The following ABR variants were observed in gnomAD, a reference collection of about 807,000 sequenced individuals.
The protein encoded by ABR is ABR activator of RhoGEF and GTPase.
A neutral mutation model predicts 107.2 loss-of-function variants in ABR; 35 were observed. The ratio of observed to expected loss-of-function variants is 0.33; its 90% CI spans 0.25 to 0.43. The LOEUF (loss-of-function observed/expected upper bound fraction) is 0.43, where lower values mean the gene tolerates loss of function less well. Among genes scored for constraint, ABR ranks in the 20% least tolerant of loss-of-function variants. The probability of loss-of-function intolerance (pLI) is 1.00; values close to 1 mark genes in which losing one functional copy is unlikely to be tolerated. For missense variants in ABR, 815 were observed against 1,115.2 expected (o/e 0.73, Z 3.83); for synonymous variants, 498 against 462.0 (o/e 1.08, Z -1.00).
intron 2 of ABR, among the ~76,000 whole-genome samples, chr17:1,123,006 A>T (rs2039417336): frequency 6.6e-6 from 1 of 152,222 alleles, no homozygotes; most frequent in Non-Finnish European, 1.5e-5. Context: ...TTGGCCAAAT[A>T]AGCACAGCCA....
chr17:1,184,734 C>T (rs1039856198), upstream of ABR, among the ~76,000 whole-genome samples: 1 of 151,216 alleles, frequency 6.6e-6, no homozygotes, highest in African/African-American at 2.4e-5. Flanking sequence ...ATTCTCACAG[C>T]TCACTGCAGC....
chr17:1,014,523 T>C (rs1189447121), intron 16 of ABR, among the ~76,000 whole-genome samples: 1 of 151,614 alleles, frequency 6.6e-6, no homozygotes, highest in African/African-American at 2.4e-5. Context: ...GGGCTTATTA[T>C]ATAAAACTCT....
At chr17:1,188,537 G>A (rs1052590014), upstream of ABR, among the ~76,000 whole-genome samples, 2 of 128,974 alleles carry the variant, frequency 1.6e-5, no homozygotes, top group East Asian at 2.0e-4. Flanking sequence ...GTGACAGAGG[G>A]AGACTCCGTC....
chr17:1,031,088 G>A (rs2072695239), intron 16 of ABR, among the ~76,000 whole-genome samples: 1 of 152,218 alleles, frequency 6.6e-6, no homozygotes, highest in Non-Finnish European at 1.5e-5. Flanking sequence ...TGGGCCCACA[G>A]TCAGATGGGT....
intron 1 of ABR, among the ~76,000 whole-genome samples, chr17:1,173,532 A>G (rs908731211): frequency 6.6e-6 from 1 of 151,226 alleles, no homozygotes. Context: ...CCAATCATAA[A>G]CCCTGGCAAA....
At chr17:1,125,768 G>A (rs2039571804) in intron 1 of ABR, 1 of 248,728 alleles carries the variant, frequency 4.0e-6, no homozygotes, top group African/African-American at 2.3e-5. Flanking sequence ...GGAATAAGGA[G>A]GTGGGGGGGG....
intron 1 of ABR, among the ~76,000 whole-genome samples, chr17:1,159,719 A>C (rs994861349): frequency 4.7e-5 from 7 of 150,180 alleles, no homozygotes; most frequent in African/African-American, 9.9e-5. Flanking sequence ...CTCACGCACA[A>C]GGGAAGTATG....
At chr17:1,095,574 G>C (rs975387495) in intron 3 of ABR, among the ~76,000 whole-genome samples, 3 of 152,114 alleles carry the variant, frequency 2.0e-5, no homozygotes, top group African/African-American at 7.2e-5. Flanking sequence ...CACCACTCAG[G>C]CACCCCCTCC....
chr17:1,212,871 A>C (rs1239361485), intron 1 of ABR, among the ~76,000 whole-genome samples: 1 of 152,090 alleles, frequency 6.6e-6, no homozygotes, highest in Non-Finnish European at 1.5e-5. Flanking sequence ...CCTGGGCAAC[A>C]GAGTGAGACA....
At chr17:1,056,256 C>T (rs990518488) in intron 13 of ABR, 147 bp from the exon 14 acceptor site, 4 of 710,276 alleles carry the variant, frequency 5.6e-6, no homozygotes, top group South Asian at 3.3e-5. Context: ...AAAAAGTTTC[C>T]GAAGGCCACG....
chr17:1,206,236 G>T (rs906174807), intron 1 of ABR, among the ~76,000 whole-genome samples: 3 of 152,208 alleles, frequency 2.0e-5, no homozygotes, highest in Non-Finnish European at 4.4e-5. Context: ...ACTGTGATGG[G>T]TTAGACACTG....
Position 1,033,781 on chromosome 17 carries a change from G to T in ABR, c.1791+16269C>A, listed in dbSNP as rs535299532. Among the ~76,000 whole-genome samples the T allele has an allele frequency of 4.6e-5, 7 of 152,212 alleles. No homozygotes were observed. In the East Asian group the frequency reaches 9.7e-4, roughly 21 times the overall value. ...CCGCCTGAGGGGGAGGTGGAGAGAC[G>T]GACGGAGGTAGGAACATGCCTGTGT... is the stretch of plus-strand genomic sequence containing the variant. On this transcript the variant is annotated intron_variant, in intron 16 of 22. Transcript: ENST00000302538.
intron 1 of ABR, among the ~76,000 whole-genome samples, chr17:1,173,132 C>G (rs868408711): frequency 8.4e-6 from 1 of 118,778 alleles, no homozygotes; most frequent in African/African-American, 3.4e-5. Flanking sequence ...GTCCACCCCC[C>G]ACACATCACC....
chr17:1,061,912 T>G (rs2033986880), intron 10 of ABR, among the ~76,000 whole-genome samples: 1 of 152,188 alleles, frequency 6.6e-6, no homozygotes, highest in South Asian at 2.1e-4. Flanking sequence ...GCGCTGTCCC[T>G]GGAGTTCAAA....
chr17:1,049,940 C>G, intron 16 of ABR, 110 bp downstream of exon 16: 1 of 1,449,994 alleles, frequency 6.9e-7, no homozygotes, highest in Non-Finnish European at 9.2e-7. Flanking sequence ...TTCCTCCAAC[C>G]AGCTTGGAAC....
upstream of ABR, among the ~76,000 whole-genome samples, chr17:1,184,671 T>TG (rs2042236878): frequency 6.6e-6 from 1 of 150,820 alleles, no homozygotes; most frequent in South Asian, 2.1e-4. Context: ...TGAGTGCTTT[T>TG]TTTTTTTTGA....
At chr17:1,063,563 A>T (rs1411369278) in intron 10 of ABR, among the ~76,000 whole-genome samples, 1 of 131,200 alleles carries the variant, frequency 7.6e-6, no homozygotes, top group African/African-American at 3.0e-5. Context: ...AGACACTGTT[A>T]TGTGAACTGA....
Position 1,005,096 on chromosome 17 carries a change from A to G in ABR, c.*984T>C, listed in dbSNP as rs368338298. ...CGCGACCCGGGACACCCAGCGTGGC[A>G]TGTGCATTCCTCCCCCGTTCAGCCT... is the stretch of plus-strand genomic sequence containing the variant. On this transcript the variant is annotated 3_prime_UTR_variant, in exon 23 of 23. Transcript: ENST00000302538. 2.5e-6 allele frequency: 1 copy of G among 398,852 alleles called. No individual in the cohort carries two copies. Among genetic ancestry groups the G allele is most frequent in the Non-Finnish European group, 4.4e-6 (1 of 226,206 alleles). 24.7% of individuals were successfully genotyped at this position (398,852 alleles called of 1,614,324 possible). A position where few individuals can be genotyped will look rare whatever the true frequency, so the allele number is the denominator to read the frequency against.
chr17:1,164,763 C>G (rs1254078528), intron 1 of ABR, among the ~76,000 whole-genome samples: 1 of 152,130 alleles, frequency 6.6e-6, no homozygotes, highest in Non-Finnish European at 1.5e-5. Flanking sequence ...ACTTCCCCAG[C>G]TCAAGCCATC....
Sources: allele counts gnomAD v4.1 joint callset (sites outside exome capture counted in the v4.1 genomes callset), GRCh38; gene constraint gnomAD v4.1.1; transcripts MANE v1.5; gene names NCBI Gene and HGNC (gene_info 2026-07-23, HGNC 2026-07-21).